PDE4D: variants seen among roughly 807,000 people sequenced by gnomAD.
PDE4D encodes the protein 3',5'-cyclic-AMP phosphodiesterase 4D.
A neutral mutation model predicts 87.4 loss-of-function variants in PDE4D; 24 were observed. The ratio of observed to expected loss-of-function variants is 0.27; its 90% CI spans 0.20 to 0.39. The LOEUF (loss-of-function observed/expected upper bound fraction) is 0.39. Ranked by LOEUF, PDE4D falls within the 10% of genes least tolerant of loss-of-function variation. The probability of loss-of-function intolerance (pLI) is 1.00; values close to 1 mark genes in which losing one functional copy is unlikely to be tolerated. For missense variants in PDE4D, 714 were observed against 1,041.0 expected (o/e 0.69, Z 4.32); for synonymous variants, 384 against 383.2 (o/e 1.00, Z -0.02).
chr5:59,840,237 CA>C lies in PDE4D; in HGVS notation c.455+52930del, dbSNP rs1460555124. On this transcript the variant is annotated intron_variant, in intron 1 of 14. Coordinates refer to ENST00000340635, the MANE Select transcript of PDE4D (RefSeq NM_001104631.2). ...TTCTAGTTTCACACGTGCACTGCCA[CA>C]CACACACACACACACACACACACAC... is the stretch of plus-strand genomic sequence containing the variant. Among the ~76,000 whole-genome samples the C allele has an allele frequency of 3.3e-3, 477 of 144,158 alleles. 5 individuals carry two copies. The highest frequency in any genetic ancestry group is 0.011 in the African/African-American group (442 of 39,974). 94.6% of individuals were successfully genotyped at this position (144,158 alleles called of 152,430 possible).
In PDE4D at chr5:59,047,481, G is replaced by C. The variant is rs551844607; in HGVS notation, c.809-8510C>G. ...AAAGAGGCCATTAAAAATCTTCTAA[G>C]TGAGGAAGTCACATGGTCAGATTTG... is the stretch of plus-strand genomic sequence containing the variant. On this transcript the variant is annotated intron_variant, in intron 5 of 14. Transcript: ENST00000340635. 6.6e-5 allele frequency among the ~76,000 whole-genome samples: 10 copies of C among 152,286 alleles called. No homozygotes were observed. The South Asian group carries it at 2.1e-3, about 32-fold the overall frequency.
intron 1 of PDE4D, among the ~76,000 whole-genome samples, chr5:59,229,142 G>T (rs1041906040): frequency 4.6e-5 from 7 of 151,988 alleles, no homozygotes; most frequent in African/African-American, 1.7e-4. Context: ...CAAGTGCAGA[G>T]ATTTTTTTTT....
At chr5:59,023,485 GTTAAA>G (rs1401693517) in intron 6 of PDE4D, among the ~76,000 whole-genome samples, 2 of 141,478 alleles carry the variant, frequency 1.4e-5, no homozygotes. Context: ...AAAAAAAAAA[GTTAAA>G]TTAAATTAAA....
At chr5:59,254,456 A>G (rs1040320111) in intron 1 of PDE4D, among the ~76,000 whole-genome samples, 1 of 151,872 alleles carries the variant, frequency 6.6e-6, no homozygotes, top group East Asian at 1.9e-4. Context: ...TTTTGTCCTA[A>G]TAACTAAAAA....
intron 5 of PDE4D, among the ~76,000 whole-genome samples, chr5:59,087,477 C>G (rs1424184123): frequency 2.0e-5 from 3 of 152,098 alleles, no homozygotes; most frequent in African/African-American, 4.8e-5. Flanking sequence ...GAGCAAGACC[C>G]TATCTCAATA....
At chr5:59,869,653 C>A (rs1367491292) in intron 1 of PDE4D, among the ~76,000 whole-genome samples, 2 of 152,054 alleles carry the variant, frequency 1.3e-5, no homozygotes, top group Non-Finnish European at 2.9e-5. Context: ...CTCGTAATTA[C>A]CAGTTGAAAG....
At chr5:59,073,870 A>G (rs1296942234) in intron 5 of PDE4D, among the ~76,000 whole-genome samples, 1 of 152,204 alleles carries the variant, frequency 6.6e-6, no homozygotes, top group Non-Finnish European at 1.5e-5. Context: ...TTGTATAAAT[A>G]TACTTAGAGC....
chr5:60,107,044 C>A (rs1461127266), intron 2 of PDE4D, among the ~76,000 whole-genome samples: 1 of 151,920 alleles, frequency 6.6e-6, no homozygotes, highest in African/African-American at 2.4e-5. Context: ...CACAAAAAAC[C>A]CTTCAAAAAT....
chr5:59,747,067 T>C (rs911219057), intron 1 of PDE4D, among the ~76,000 whole-genome samples: 3 of 152,244 alleles, frequency 2.0e-5, no homozygotes, highest in Non-Finnish European at 2.9e-5. Context: ...TCTCCCAGTT[T>C]CTGGATCTCC....
At chr5:59,249,996 T>TA (rs1411698403) in intron 1 of PDE4D, among the ~76,000 whole-genome samples, 2 of 151,750 alleles carry the variant, frequency 1.3e-5, no homozygotes, top group African/African-American at 4.8e-5. Context: ...GGACACACCA[T>TA]AAAAAAATAA....
chr5:59,015,746 C>T (rs1393901410), intron 6 of PDE4D, among the ~76,000 whole-genome samples: 1 of 152,142 alleles, frequency 6.6e-6, no homozygotes, highest in Non-Finnish European at 1.5e-5. Context: ...ACTAGAAATA[C>T]CATTTGACCC....
At chr5:59,488,346 G>A (rs1386585660) in intron 1 of PDE4D, among the ~76,000 whole-genome samples, 1 of 152,152 alleles carries the variant, frequency 6.6e-6, no homozygotes, top group African/African-American at 2.4e-5. Flanking sequence ...GCTGAAGCAA[G>A]CCGAGAAAGA....
At chr5:59,104,788 A>T (rs1364625888) in intron 5 of PDE4D, among the ~76,000 whole-genome samples, 1 of 152,124 alleles carries the variant, frequency 6.6e-6, no homozygotes, top group African/African-American at 2.4e-5. Context: ...AATGTCCTGG[A>T]GCTAAGGCCT....
chr5:59,106,307 T>C (rs929857983), intron 5 of PDE4D, among the ~76,000 whole-genome samples: 4 of 152,190 alleles, frequency 2.6e-5, no homozygotes, highest in African/African-American at 9.7e-5. Flanking sequence ...TTAAGACTAA[T>C]TGATAGAGAG....
At chr5:59,574,432 C>T (rs919385120) in intron 1 of PDE4D, among the ~76,000 whole-genome samples, 1 of 151,554 alleles carries the variant, frequency 6.6e-6, no homozygotes, top group African/African-American at 2.4e-5. Flanking sequence ...CTCATTGAAT[C>T]CTTACAGTAA....
At chr5:59,718,682 C>T (rs1174978727) in intron 1 of PDE4D, among the ~76,000 whole-genome samples, 3 of 152,026 alleles carry the variant, frequency 2.0e-5, no homozygotes, top group Non-Finnish European at 2.9e-5. Flanking sequence ...AGAAAGATCT[C>T]GAGATTGTGC....
intron 5 of PDE4D, among the ~76,000 whole-genome samples, chr5:59,086,500 C>T (rs971928722): frequency 3.9e-5 from 6 of 152,092 alleles, no homozygotes; most frequent in Non-Finnish European, 8.8e-5. Flanking sequence ...TCTTCTTTCT[C>T]TATATTTTTG....
At chr5:59,726,724 TTAGC>T (rs1227091627) in intron 1 of PDE4D, among the ~76,000 whole-genome samples, 1 of 152,130 alleles carries the variant, frequency 6.6e-6, no homozygotes, top group African/African-American at 2.4e-5. Context: ...TGATACAACT[TTAGC>T]TAAAGGAATA....
chr5:60,382,782 C>T (rs1285829936), intron 1 of PDE4D, among the ~76,000 whole-genome samples: 1 of 152,164 alleles, frequency 6.6e-6, no homozygotes, highest in Non-Finnish European at 1.5e-5. Context: ...TTATGGCTAT[C>T]TTTCAAAGAG....
Sources: gnomAD v4.1 joint callset for allele counts (sites outside exome capture counted in the v4.1 genomes callset) on GRCh38, gnomAD v4.1.1 for gene constraint, MANE v1.5 for transcripts, NCBI Gene and HGNC (gene_info 2026-07-23, HGNC 2026-07-21) for gene names.